The following CCSER1 variants were observed in gnomAD, a reference collection of about 807,000 sequenced individuals.
CCSER1 encodes the protein coiled-coil serine rich protein 1.
CCSER1 carries 41 observed loss-of-function variants against 82.0 expected under a neutral mutation model. The observed-to-expected ratio is 0.50, with a 90% CI of 0.39 to 0.65. The LOEUF (loss-of-function observed/expected upper bound fraction) is 0.65, where lower values mean the gene tolerates loss of function less well. Ranked by LOEUF, CCSER1 falls within the 30% of genes least tolerant of loss-of-function variation. The pLI is 0.00. For missense variants in CCSER1, 1,119 were observed against 1,064.2 expected, an observed-to-expected ratio of 1.05 and a Z score of -0.72; for synonymous variants, 414 against 383.9, an observed-to-expected ratio of 1.08 and a Z score of -0.92.
chr4:90,262,659 A>C (rs764098690), intron 1 of CCSER1, among the ~76,000 whole-genome samples: 3 of 152,078 alleles, frequency 2.0e-5, no homozygotes, highest in Non-Finnish European at 4.4e-5. Context: ...GCCTTGATGA[A>C]GGTGGCTGGG....
rs1289472005 is a variant in CCSER1, at chr4:91,225,324, GT to G, written c.2217+139331del. Among the ~76,000 whole-genome samples, 228 of 118,776 alleles carry G rather than the reference GT, an allele frequency of 1.9e-3. 6 individuals carry two copies. The East Asian group carries it at 0.034, about 18-fold the overall frequency. 77.9% of individuals were successfully genotyped at this position (118,776 alleles called of 152,430 possible). ...TATATATTATATATGTAATATATAT[GT>G]ATATATATTATATATGTAATATATA... On this transcript the variant is annotated intron_variant, in intron 10 of 10. Transcript: ENST00000509176.
chr4:90,950,928 T>C (rs536676606), intron 9 of CCSER1, among the ~76,000 whole-genome samples: 1 of 152,214 alleles, frequency 6.6e-6, no homozygotes, highest in Admixed American at 6.5e-5. Flanking sequence ...CACAAACTAG[T>C]GTGATATCTT....
rs575969960 is a variant in CCSER1 at position 90,138,426 on chromosome 4, C to A, written c.-42+10595C>A. ...TGCTAACCACTGTTCTGAATCCTAC[C>A]CTAGGCTCACTTTGAACACTGCCCT... On this transcript the variant is annotated intron_variant, in intron 1 of 10. Transcript: ENST00000509176. Among the ~76,000 whole-genome samples, 14 of 152,264 alleles carry A rather than the reference C, an allele frequency of 9.2e-5. No homozygotes were observed. In the South Asian group the frequency reaches 2.9e-3, roughly 32 times the overall value.
intron 1 of CCSER1, among the ~76,000 whole-genome samples, chr4:90,269,811 C>A (rs553409302): frequency 6.6e-6 from 1 of 151,316 alleles, no homozygotes; most frequent in Non-Finnish European, 1.5e-5. Flanking sequence ...AAGAGGAAAT[C>A]CAAATAAAAC....
intron 9 of CCSER1, among the ~76,000 whole-genome samples, chr4:90,966,786 G>A (rs1734608325): frequency 6.6e-6 from 1 of 151,728 alleles, no homozygotes; most frequent in African/African-American, 2.4e-5. Flanking sequence ...TATGTTCATG[G>A]GTCAATAGGC....
At position 90,638,076 on chromosome 4, in the gene CCSER1, C is replaced by T. The variant is rs1725752863; in HGVS notation, c.1932+9844C>T. 2.0e-5 allele frequency among the ~76,000 whole-genome samples: 3 copies of T among 152,074 alleles called. No homozygotes were observed. The East Asian group carries it at 5.8e-4, about 29-fold the overall frequency. On this transcript the variant is annotated intron_variant, in intron 6 of 10. Coordinates refer to ENST00000509176, the MANE Select transcript of CCSER1 (RefSeq NM_001145065.2). ...AACTTGAAATAGGTGCGGGATAACTCCTTTAAGCTTTTGAAATTTTAATTG... is the reference window on the plus strand; with the variant it reads ...AACTTGAAATAGGTGCGGGATAACTTCTTTAAGCTTTTGAAATTTTAATTG...
chr4:91,427,481 C>T (rs896536154), intron 10 of CCSER1, among the ~76,000 whole-genome samples: 2 of 152,036 alleles, frequency 1.3e-5, no homozygotes, highest in South Asian at 4.1e-4. Flanking sequence ...GTAAACAATC[C>T]CATTAGACTG....
At chr4:90,347,665 T>A (rs1475745929) in intron 3 of CCSER1, among the ~76,000 whole-genome samples, 1 of 151,890 alleles carries the variant, frequency 6.6e-6, no homozygotes, top group Non-Finnish European at 1.5e-5. Flanking sequence ...CAAGCTGAGG[T>A]CCCATCAGAG....
intron 7 of CCSER1, among the ~76,000 whole-genome samples, chr4:90,802,592 A>G (rs1295166870): frequency 1.3e-5 from 2 of 152,098 alleles, no homozygotes; most frequent in Non-Finnish European, 2.9e-5. Flanking sequence ...AATGATATAT[A>G]AAATATTTTT....
intron 10 of CCSER1, among the ~76,000 whole-genome samples, chr4:91,426,242 AT>A (rs1451163855): frequency 6.6e-6 from 1 of 152,186 alleles, no homozygotes; most frequent in Non-Finnish European, 1.5e-5. Flanking sequence ...GCTGCATAGT[AT>A]TCCATGGTGT....
chr4:91,184,202 G>A (rs1734311525), intron 10 of CCSER1, among the ~76,000 whole-genome samples: 1 of 152,152 alleles, frequency 6.6e-6, no homozygotes, highest in African/African-American at 2.4e-5. Context: ...AATTTTTTAG[G>A]AGTAGGTTCA....
intron 9 of CCSER1, among the ~76,000 whole-genome samples, chr4:90,932,967 AAAG>A (rs1458447898): frequency 2.2e-5 from 1 of 45,624 alleles, no homozygotes; most frequent in East Asian, 4.7e-4. Context: ...AGAAAGAAAG[AAAG>A]AAAGAAAGAA....
At chr4:90,574,742 T>C (rs917984260) in intron 5 of CCSER1, among the ~76,000 whole-genome samples, 6 of 151,778 alleles carry the variant, frequency 4.0e-5, no homozygotes, top group Middle Eastern at 3.2e-3. Context: ...TTAAATAAAA[T>C]AGAATATCAT....
chr4:90,544,288 C>T (rs60417873), intron 5 of CCSER1, among the ~76,000 whole-genome samples: 25,735 of 152,086 alleles, frequency 0.17, 2,346 homozygotes, highest in African/African-American at 0.21. Flanking sequence ...TCCCCCAAAC[C>T]ACCTTAAGTA....
intron 8 of CCSER1, among the ~76,000 whole-genome samples, chr4:90,907,822 C>T (rs1717642287): frequency 6.6e-6 from 1 of 151,960 alleles, no homozygotes; most frequent in Admixed American, 6.6e-5. Context: ...ATTTCATTTC[C>T]AATCTTTCCC....
chr4:91,368,556 T>C (rs1033311011), intron 10 of CCSER1, among the ~76,000 whole-genome samples: 9 of 152,272 alleles, frequency 5.9e-5, no homozygotes, highest in African/African-American at 2.2e-4. Flanking sequence ...AAGAGATATG[T>C]TTTATGATAA....
intron 5 of CCSER1, among the ~76,000 whole-genome samples, chr4:90,575,273 C>G (rs1165860290): frequency 6.6e-6 from 1 of 152,178 alleles, no homozygotes; most frequent in Non-Finnish European, 1.5e-5. Context: ...TCACAGGGAC[C>G]TGGTAGGGGC....
At chr4:91,163,838 A>G (rs541252552) in intron 10 of CCSER1, among the ~76,000 whole-genome samples, 1 of 152,042 alleles carries the variant, frequency 6.6e-6, no homozygotes, top group South Asian at 2.1e-4. Context: ...TGCAAGTGAG[A>G]TGGGTTTCCT....
chr4:90,437,907 A>G (rs181754187), intron 4 of CCSER1, among the ~76,000 whole-genome samples: 1 of 152,256 alleles, frequency 6.6e-6, no homozygotes, highest in East Asian at 1.9e-4. Context: ...TTATGATCTG[A>G]GTTTTTATCA....
Sources: gnomAD v4.1 joint callset for allele counts (sites outside exome capture counted in the v4.1 genomes callset) on GRCh38, gnomAD v4.1.1 for gene constraint, MANE v1.5 for transcripts, NCBI Gene and HGNC (gene_info 2026-07-23, HGNC 2026-07-21) for gene names.